The following CTNND1 variants were observed in gnomAD, a reference collection of about 807,000 sequenced individuals.
The protein encoded by CTNND1 is catenin delta-1.
In CTNND1, 16 loss-of-function variants were observed where a neutral mutation model predicts 112.1. The observed-to-expected ratio is 0.14, with a 90% CI of 0.10 to 0.22. CTNND1 has a LOEUF of 0.22. CTNND1 is among the 10% of genes least tolerant of loss of function. CTNND1 has a pLI of 1.00. For synonymous variants in CTNND1, 420 were observed against 446.5 expected (o/e 0.94, Z 0.75); for missense variants, 1,008 against 1,257.0 (o/e 0.80, Z 3.00).
At chr11:57,804,411 C>A (rs10896647) in intron 8 of CTNND1, among the ~76,000 whole-genome samples, 1 of 151,946 alleles carries the variant, frequency 6.6e-6, no homozygotes, top group African/African-American at 2.4e-5. Flanking sequence ...TACTTCCATA[C>A]GAGAAGTATA....
At chr11:57,775,322 A>AC (rs1953902644) in intron 1 of CTNND1, among the ~76,000 whole-genome samples, 1 of 128,082 alleles carries the variant, frequency 7.8e-6, no homozygotes. Context: ...ATATAGGGAG[A>AC]CCCCGTCTCG....
chr11:57,771,113 G>GTATGGAAAAAAAAAAT (rs1952466577), intron 1 of CTNND1, among the ~76,000 whole-genome samples: 1 of 151,362 alleles, frequency 6.6e-6, no homozygotes, highest in African/African-American at 2.4e-5. Flanking sequence ...AAAAAAAAAA[G>GTATGGAAAAAAAAAAT]TATAGAAAAA....
At chr11:57,806,516 T>G (rs1271161811) in intron 11 of CTNND1, 38 bp downstream of exon 11, 1 of 1,564,590 alleles carries the variant, frequency 6.4e-7, no homozygotes, top group South Asian at 1.2e-5. Context: ...CTACTTCTAA[T>G]TTGCATGTTT....
At chr11:57,784,472 T>G (rs1398096643) in intron 1 of CTNND1, among the ~76,000 whole-genome samples, 1 of 151,900 alleles carries the variant, frequency 6.6e-6, no homozygotes, top group African/African-American at 2.4e-5. Context: ...GTCATTGTTT[T>G]TAGATGGAGA....
In CTNND1 at chr11:57,808,462, G is replaced by A. The variant is rs755912714; in HGVS notation, c.2164G>A (p.Glu722Lys). 1 of 1,613,370 alleles carries A rather than the reference G, an allele frequency of 6.2e-7. No homozygotes were observed. Among genetic ancestry groups the A allele is most frequent in the South Asian group, 1.1e-5 (1 of 90,994 alleles). Residue 722 changes from glutamate to lysine, a missense_variant, in exon 14 of 21, where the codon GAA becomes AAA. Physicochemically the swap from Glu to Lys is moderately conservative, Grantham distance 56 (BLOSUM62 1). This residue lies in a region of CTNND1 where 254 missense variants were observed against 279.5 expected (regional missense o/e 0.91). Coordinates refer to ENST00000399050, the MANE Select transcript of CTNND1 (RefSeq NM_001085458.2). ...TGCCATAGCTGACCTCCTGACTAATGAACATGAACGGGTGGTGAAAGCTGC... is the reference window on the plus strand; with the variant it reads ...TGCCATAGCTGACCTCCTGACTAATAAACATGAACGGGTGGTGAAAGCTGC... ...LSAIADLLTN[E>K]HERVVKAASG...
chr11:57,808,088 G>A, intron 12 of CTNND1, 77 bp from the exon 13 acceptor site: 3 of 1,496,172 alleles, frequency 2.0e-6, no homozygotes, highest in Non-Finnish European at 2.7e-6. Context: ...AGAGTACTAA[G>A]GCTGGACTCC....
chr11:57,767,686 A>G (rs1951449396), intron 1 of CTNND1, among the ~76,000 whole-genome samples: 1 of 640 alleles, frequency 1.6e-3, no homozygotes, highest in Non-Finnish European at 0.019. Context: ...AATATTAACC[A>G]TCTTATAGAT....
chr11:57,812,997 T>C (rs2063551155), intron 17 of CTNND1, among the ~76,000 whole-genome samples: 1 of 152,172 alleles, frequency 6.6e-6, no homozygotes, highest in African/African-American at 2.4e-5. Flanking sequence ...TGAAAAACTT[T>C]TATTTGCCAC....
At chr11:57,767,962 T>G (rs1341807705) in intron 1 of CTNND1, among the ~76,000 whole-genome samples, 1 of 151,600 alleles carries the variant, frequency 6.6e-6, no homozygotes, top group Non-Finnish European at 1.5e-5. Flanking sequence ...GCCTCCCGAG[T>G]AGCTGGGACT....
At chr11:57,762,312 C>G (rs902406380) in intron 1 of CTNND1, among the ~76,000 whole-genome samples, 193 bp downstream of exon 1, 6 of 152,022 alleles carry the variant, frequency 3.9e-5, no homozygotes, top group African/African-American at 1.4e-4. Context: ...TGAATAGATC[C>G]AGAGGGGTAA....
chr11:57,795,442 C>A (rs2061260252), intron 4 of CTNND1, 135 bp from the exon 5 acceptor site: 1 of 865,964 alleles, frequency 1.2e-6, no homozygotes, highest in African/African-American at 1.7e-5. Flanking sequence ...AGCCACCCAT[C>A]TAAAAATCCT....
intron 1 of CTNND1, among the ~76,000 whole-genome samples, chr11:57,787,921 CCTT>C (rs1398148941): frequency 2.0e-5 from 3 of 152,272 alleles, no homozygotes; most frequent in South Asian, 2.1e-4. Flanking sequence ...CCCTTCCTAA[CCTT>C]CTTCACTGAA....
chr11:57,806,308 T>C (rs913690457), intron 10 of CTNND1, among the ~76,000 whole-genome samples, 153 bp from the exon 11 acceptor site: 6 of 152,120 alleles, frequency 3.9e-5, no homozygotes, highest in South Asian at 2.1e-4. Flanking sequence ...TCTGGGACCT[T>C]CTTCCCCATA....
chr11:57,797,859 A>AC (rs1175671521), intron 6 of CTNND1, among the ~76,000 whole-genome samples: 1 of 150,432 alleles, frequency 6.6e-6, no homozygotes, highest in African/African-American at 2.4e-5. Context: ...AAAAAAAAAA[A>AC]AAAACAACTT....
At position 57,803,733 on chromosome 11, in the gene CTNND1, A is replaced by G; in HGVS notation, c.1533A>G (p.Glu511=). The change falls in exon 8 of 21, where the codon GAA becomes GAG. Residue 511 remains glutamate, a synonymous_variant. Coordinates refer to ENST00000399050, the MANE Select transcript of CTNND1 (RefSeq NM_001085458.2). ...TTCCTCATTCTGGTTGGGAGCGGGAACCTAATGAAGACTGTAAGCCACGCC... is the reference window on the plus strand; with the variant it reads ...TTCCTCATTCTGGTTGGGAGCGGGAGCCTAATGAAGACTGTAAGCCACGCC... ...VIIPHSGWER[E]PNEDCKPRHI... 1 of 1,613,606 alleles carries G rather than the reference A, an allele frequency of 6.2e-7. No individual in the cohort carries two copies. Among genetic ancestry groups the G allele is most frequent in the Non-Finnish European group, 8.5e-7 (1 of 1,179,754 alleles).
intron 17 of CTNND1, among the ~76,000 whole-genome samples, chr11:57,812,375 C>T (rs2063466111): frequency 6.6e-6 from 1 of 152,080 alleles, no homozygotes; most frequent in Non-Finnish European, 1.5e-5. Flanking sequence ...CAAAAATTAG[C>T]TGGGTGTGGT....
chr11:57,786,265 G>A (rs2060122900), intron 1 of CTNND1, among the ~76,000 whole-genome samples: 1 of 150,860 alleles, frequency 6.6e-6, no homozygotes, highest in Admixed American at 6.6e-5. Flanking sequence ...CGGCTGCCGT[G>A]GCTCACGCCT....
chr11:57,797,316 C>T (rs978995609), intron 6 of CTNND1, among the ~76,000 whole-genome samples: 1 of 148,796 alleles, frequency 6.7e-6, no homozygotes, highest in Non-Finnish European at 1.5e-5. Context: ...CTGCCACCTC[C>T]GCCTCCTGGG....
chr11:57,776,472 C>G (rs1045609736), intron 1 of CTNND1, among the ~76,000 whole-genome samples: 4 of 152,130 alleles, frequency 2.6e-5, no homozygotes, highest in South Asian at 2.1e-4. Context: ...ATTCTTCTGC[C>G]TCGCCTCCCT....
Sources: gnomAD v4.1 joint callset for allele counts (sites outside exome capture counted in the v4.1 genomes callset) on GRCh38, gnomAD v4.1.1 for gene constraint, gnomAD v4.1.1 regional missense constraint, MANE v1.5 for transcripts, NCBI Gene and HGNC (gene_info 2026-07-23, HGNC 2026-07-21) for gene names.